The following SMARCA2 variants were observed in gnomAD, a reference collection of about 807,000 sequenced individuals.
The protein encoded by SMARCA2 is SWI/SNF-related matrix-associated actin-dependent regulator of chromatin subfamily A member 2.
Under a neutral mutation model 199.8 loss-of-function variants are expected in SMARCA2, and 61 were observed. The ratio of observed to expected loss-of-function variants is 0.31; its 90% CI spans 0.25 to 0.38. SMARCA2 has a LOEUF of 0.38. Ranked by LOEUF, SMARCA2 falls within the 10% of genes least tolerant of loss-of-function variation. SMARCA2 has a pLI of 1.00. For synonymous variants in SMARCA2, 935 were observed against 732.0 expected (o/e 1.28, Z -4.48); for missense variants, 1,344 against 2,012.2 (o/e 0.67, Z 6.35).
In SMARCA2 at chr9:2,058,041, C is replaced by A. The variant is rs1820431979; in HGVS notation, c.1348-250C>A. On this transcript the variant is annotated intron_variant, in intron 7 of 33. Coordinates refer to ENST00000349721, the MANE Select transcript of SMARCA2 (RefSeq NM_003070.5). ...ATCTTTCCATTCTCATGTGGCCACACCCTCAAGGCTAAGGAGGCTTCTCTT... is the reference window on the plus strand; with the variant it reads ...ATCTTTCCATTCTCATGTGGCCACAACCTCAAGGCTAAGGAGGCTTCTCTT... 2.4e-5 allele frequency: 8 copies of A among 340,022 alleles called. No individual in the cohort carries two copies. In the East Asian group the frequency reaches 4.0e-4, roughly 17 times the overall value. The allele number at this position is 340,022 out of a possible 1,614,324, so 21.1% of individuals were successfully genotyped here.
chr9:2,192,825 C>T lies in SMARCA2; in HGVS notation c.*86C>T, dbSNP rs1827982443. ...CCAGTGAGTTCATTTGTCATATAGG[C>T]ACTGGGTTGTTTCTATATCATCATC... On this transcript the variant is annotated 3_prime_UTR_variant, in exon 34 of 34. Coordinates refer to ENST00000349721, the MANE Select transcript of SMARCA2 (RefSeq NM_003070.5). 2 of 956,134 alleles carry T rather than the reference C, an allele frequency of 2.1e-6. No individual in the cohort carries two copies. The highest frequency in any genetic ancestry group is 1.6e-5 in the African/African-American group (1 of 61,578). The allele number at this position is 956,134 out of a possible 1,614,324, so 59.2% of individuals were successfully genotyped here.
intron 27 of SMARCA2, among the ~76,000 whole-genome samples, chr9:2,135,783 T>A (rs1279575998): frequency 1.3e-5 from 2 of 152,198 alleles, no homozygotes; most frequent in Non-Finnish European, 2.9e-5. Flanking sequence ...CCTCAGGTGA[T>A]CTGCCTGCCT....
At chr9:2,189,498 A>G (rs958523752) in intron 32 of SMARCA2, among the ~76,000 whole-genome samples, 3 of 152,174 alleles carry the variant, frequency 2.0e-5, no homozygotes, top group African/African-American at 4.8e-5. Flanking sequence ...CCACACCTGT[A>G]TAAATGGACA....
Position 2,110,162 on chromosome 9 carries a change from A to G in SMARCA2, c.3293-92A>G, listed in dbSNP as rs1426254633. On this transcript the variant is annotated intron_variant, in intron 23 of 33. Transcript: ENST00000349721. The surrounding 1 kb of genome is among the most constrained non-coding windows in gnomAD (Gnocchi z 4.8). The stretch of plus-strand genomic sequence containing the variant: ...CACCAGTGTTAGGAGGAGTCTGGGT[A>G]TATTTCTTGAAGGAAGCAAGCCTTT... 3.1e-6 allele frequency: 3 copies of G among 961,536 alleles called. No homozygotes were observed. The highest frequency in any genetic ancestry group is 2.5e-5 in the East Asian group (1 of 39,466). 59.6% of individuals were successfully genotyped at this position (961,536 alleles called of 1,614,324 possible). A position where few individuals can be genotyped will look rare whatever the true frequency, so the allele number is the denominator to read the frequency against.
At position 2,150,863 on chromosome 9, in the gene SMARCA2, C is replaced by T. The variant is rs536677029; in HGVS notation, c.3982-10823C>T. Among the ~76,000 whole-genome samples the T allele has an allele frequency of 2.2e-3, 328 of 151,504 alleles. 7 individuals carry two copies. The highest frequency in any genetic ancestry group is 7.3e-3 in the African/African-American group (303 of 41,418). ...TGGCTACCTCCTTGGTGTATGTATGCGGGGTTGTTCCTCTATGTGCATCTG... is the reference window on the plus strand; with the variant it reads ...TGGCTACCTCCTTGGTGTATGTATGTGGGGTTGTTCCTCTATGTGCATCTG... On this transcript the variant is annotated intron_variant, in intron 27 of 33. Coordinates refer to ENST00000349721, the MANE Select transcript of SMARCA2 (RefSeq NM_003070.5).
At chr9:2,072,997 G>C (rs972215248) in intron 10 of SMARCA2, 10 of 537,060 alleles carry the variant, frequency 1.9e-5, no homozygotes, top group Non-Finnish European at 3.3e-5. Flanking sequence ...GCTGAGGTTT[G>C]TGCCTGTATC....
At chr9:2,058,907 T>A (rs569745154) in intron 8 of SMARCA2, among the ~76,000 whole-genome samples, 1 of 152,354 alleles carries the variant, frequency 6.6e-6, no homozygotes, top group East Asian at 1.9e-4. Flanking sequence ...CCTCTGGTGC[T>A]TATCTTTCTT....
At position 2,184,197 on chromosome 9, in the gene SMARCA2, G is replaced by A. The variant is rs1364077674; in HGVS notation, c.4462-1899G>A. On this transcript the variant is annotated intron_variant, in intron 31 of 33. Coordinates refer to ENST00000349721, the MANE Select transcript of SMARCA2 (RefSeq NM_003070.5). ...AACCTAAACAGCCCATAGTCCATTC[G>A]GACTGATACTATGATCACCTGCTTC... Among the ~76,000 whole-genome samples, 4 of 152,064 alleles carry A rather than the reference G, an allele frequency of 2.6e-5. No individual in the cohort carries two copies. In the East Asian group the frequency reaches 5.8e-4, roughly 22 times the overall value.
chr9:2,186,296 G>A, intron 32 of SMARCA2, 68 bp downstream of exon 32: 1 of 1,495,906 alleles, frequency 6.7e-7, no homozygotes, highest in East Asian at 2.4e-5. Context: ...CTCCACAGAT[G>A]TTCACAGAAG....
At chr9:2,157,094 G>C (rs147862066) in intron 27 of SMARCA2, among the ~76,000 whole-genome samples, 1 of 152,116 alleles carries the variant, frequency 6.6e-6, no homozygotes, top group African/African-American at 2.4e-5. Context: ...GCATTAAACC[G>C]ATTAAAATAA....
intron 14 of SMARCA2, among the ~76,000 whole-genome samples, chr9:2,078,749 C>T (rs1243586441): frequency 6.6e-6 from 1 of 151,930 alleles, no homozygotes; most frequent in Non-Finnish European, 1.5e-5. Context: ...TTGAGACCAT[C>T]CTTGCTAACA....
chr9:2,088,134 T>C (rs995480317), intron 18 of SMARCA2, among the ~76,000 whole-genome samples: 8 of 152,210 alleles, frequency 5.3e-5, no homozygotes, highest in African/African-American at 1.9e-4. Context: ...CCACTTTAAA[T>C]AGGGAACATA....
intron 4 of SMARCA2, chr9:2,042,205 C>T (rs1290189245): frequency 6.6e-6 from 1 of 152,188 alleles, no homozygotes; most frequent in African/African-American, 2.4e-5. Flanking sequence ...TCCCATGTCT[C>T]AGTATGTGAA....
chr9:2,041,873 T>C (rs1819620439), intron 4 of SMARCA2: 1 of 152,552 alleles, frequency 6.6e-6, no homozygotes, highest in South Asian at 2.1e-4. Flanking sequence ...GTGTGGCTTA[T>C]CCTCCCTGAG....
intron 12 of SMARCA2, 22 bp downstream of exon 12, chr9:2,073,645 G>C (rs1382628903): frequency 3.2e-6 from 5 of 1,568,216 alleles, no homozygotes; most frequent in South Asian, 1.1e-5. Context: ...TCTCTGTTTG[G>C]GGTTTATTGG....
chr9:2,191,695 T>A (rs934852916), intron 33 of SMARCA2: 1 of 266,308 alleles, frequency 3.8e-6, no homozygotes, highest in East Asian at 7.4e-5. Flanking sequence ...CTTATAAATA[T>A]GGTTTTCCCC....
At chr9:2,176,911 A>G (rs1051553263) in intron 29 of SMARCA2, among the ~76,000 whole-genome samples, 1 of 152,038 alleles carries the variant, frequency 6.6e-6, no homozygotes, top group Admixed American at 6.5e-5. Context: ...GTCTACTCCC[A>G]TCCCACCCTG....
At chr9:2,059,387 A>G (rs1820487340) in intron 8 of SMARCA2, among the ~76,000 whole-genome samples, 1 of 152,176 alleles carries the variant, frequency 6.6e-6, no homozygotes. Context: ...CTCTGTGTGC[A>G]GGTACTACTA....
intron 10 of SMARCA2, among the ~76,000 whole-genome samples, chr9:2,072,778 C>G (rs558964002): frequency 6.6e-6 from 1 of 152,358 alleles, no homozygotes; most frequent in African/African-American, 2.4e-5. Context: ...AAGAACCTGA[C>G]TCAGGGCTAT....
Sources: allele counts gnomAD v4.1 joint callset (sites outside exome capture counted in the v4.1 genomes callset), GRCh38; gene constraint gnomAD v4.1.1; non-coding constraint Gnocchi (gnomAD v3.1); transcripts MANE v1.5; gene names NCBI Gene and HGNC (gene_info 2026-07-23, HGNC 2026-07-21).